Variants in RORA observed in about 807,000 individuals in gnomAD.
RORA encodes the protein nuclear receptor ROR-alpha.
A neutral mutation model predicts 69.5 loss-of-function variants in RORA; 7 were observed. The observed-to-expected ratio is 0.10, with a 90% confidence interval of 0.06 to 0.19. RORA has a LOEUF of 0.19. RORA is among the 10% of genes least tolerant of loss of function. The pLI, the probability that RORA is intolerant of heterozygous loss-of-function variation, is 1.00. For missense variants in RORA, 457 were observed against 663.0 expected, an observed-to-expected ratio of 0.69 and a Z score of 3.41; for synonymous variants, 261 against 240.8, an observed-to-expected ratio of 1.08 and a Z score of -0.78.
intron 2 of RORA, among the ~76,000 whole-genome samples, chr15:60,610,149 G>A (rs573902092): frequency 3.3e-5 from 5 of 151,638 alleles, no homozygotes; most frequent in African/African-American, 1.2e-4. Flanking sequence ...AAGAGCTCAC[G>A]TGGCAATGTC....
At chr15:61,017,315 A>C (rs1356006310) in intron 1 of RORA, among the ~76,000 whole-genome samples, 1 of 152,222 alleles carries the variant, frequency 6.6e-6, no homozygotes, top group African/African-American at 2.4e-5. Flanking sequence ...GGTGAAAGTG[A>C]TTGTTACATA....
intron 1 of RORA, among the ~76,000 whole-genome samples, chr15:61,153,685 T>G (rs2079417269): frequency 6.6e-6 from 1 of 152,254 alleles, no homozygotes; most frequent in Admixed American, 6.5e-5. Context: ...GTAAATGTTC[T>G]TCCGGCTCTA....
intron 2 of RORA, among the ~76,000 whole-genome samples, chr15:60,644,043 A>G (rs2069992512): frequency 6.6e-6 from 1 of 152,088 alleles, no homozygotes. Context: ...AGCCACTGGG[A>G]TTAAAAAAAA....
chr15:60,593,020 G>A (rs779669253), intron 2 of RORA: 7 of 446,934 alleles, frequency 1.6e-5, no homozygotes, highest in South Asian at 1.1e-4. Flanking sequence ...TTCCTAGAGT[G>A]CCCCAGCTCT....
At chr15:60,581,899 T>G (rs1020109411) in intron 2 of RORA, among the ~76,000 whole-genome samples, 1 of 152,352 alleles carries the variant, frequency 6.6e-6, no homozygotes, top group African/African-American at 2.4e-5. Flanking sequence ...AGAGATACAT[T>G]GTTTCTGCTT....
chr15:60,652,104 G>C (rs1194130287), intron 2 of RORA, among the ~76,000 whole-genome samples: 1 of 150,372 alleles, frequency 6.7e-6, no homozygotes, highest in African/African-American at 2.4e-5. Context: ...CTAGGTAGCA[G>C]ACTGCCTTTT....
intron 1 of RORA, among the ~76,000 whole-genome samples, chr15:60,691,940 T>C (rs118004282): frequency 1.3e-5 from 2 of 152,202 alleles, no homozygotes; most frequent in South Asian, 2.1e-4. Flanking sequence ...GTTAACCATA[T>C]GCTACATACA....
chr15:60,816,595 T>C (rs997057077), intron 1 of RORA, among the ~76,000 whole-genome samples: 1 of 147,224 alleles, frequency 6.8e-6, no homozygotes, highest in African/African-American at 2.5e-5. Context: ...AAACAGTATA[T>C]GTATTTATAT....
intron 1 of RORA, among the ~76,000 whole-genome samples, chr15:60,745,701 A>C (rs1201647503): frequency 6.6e-6 from 1 of 152,216 alleles, no homozygotes. Context: ...CTGCTGAGCC[A>C]TGCCTGTAGA....
intron 1 of RORA, among the ~76,000 whole-genome samples, chr15:60,696,078 T>C (rs2070900018): frequency 6.6e-6 from 1 of 152,230 alleles, no homozygotes; most frequent in African/African-American, 2.4e-5. Flanking sequence ...GTCATCATTT[T>C]ATATAGTTTT....
chr15:60,503,298 G>A (rs2065387899), intron 7 of RORA, among the ~76,000 whole-genome samples: 1 of 152,136 alleles, frequency 6.6e-6, no homozygotes, highest in South Asian at 2.1e-4. Flanking sequence ...GGAAAATTTG[G>A]GAATGTAGGT....
intron 1 of RORA, among the ~76,000 whole-genome samples, chr15:60,702,393 G>GGCTAA (rs1229298747): frequency 2.6e-5 from 4 of 152,060 alleles, no homozygotes; most frequent in Non-Finnish European, 4.4e-5. Flanking sequence ...CACCATGCCT[G>GGCTAA]GCTAATTTTT....
intron 1 of RORA, among the ~76,000 whole-genome samples, chr15:61,139,142 TAA>T (rs61302970): frequency 1.2e-4 from 17 of 136,508 alleles, no homozygotes; most frequent in Non-Finnish European, 1.1e-4. Flanking sequence ...AGACTCCGTC[TAA>T]AAAAAAAAAA....
rs374807415 is a variant in RORA at position 61,098,124 on chromosome 15, TCTCC to T, written c.166+130925_166+130928del. 2.2e-4 allele frequency among the ~76,000 whole-genome samples: 21 copies of T among 96,366 alleles called. No homozygotes were observed. In the East Asian group the frequency reaches 4.3e-3, roughly 20 times the overall value. 63.2% of individuals were successfully genotyped at this position (96,366 alleles called of 152,430 possible). A position where few individuals can be genotyped will look rare whatever the true frequency, so the allele number is the denominator to read the frequency against. On this transcript the variant is annotated intron_variant, in intron 1 of 10. Coordinates refer to ENST00000335670, the MANE Select transcript of RORA (RefSeq NM_134261.3). ...CCTTCCCTCCCTCCCTCCTTCCTTCTCTCCCTCCCTCCCTCCTTCTTTCCCTCCC... is the reference window on the plus strand; with the variant it reads ...CCTTCCCTCCCTCCCTCCTTCCTTCTCTCCCTCCCTCCTTCTTTCCCTCCC...
At chr15:60,972,599 AATTTCTCTAG>A (rs1893750926) in intron 1 of RORA, among the ~76,000 whole-genome samples, 1 of 152,058 alleles carries the variant, frequency 6.6e-6, no homozygotes, top group Non-Finnish European at 1.5e-5. Context: ...TAAAGTCCAA[AATTTCTCTAG>A]TCTTTGGAGA....
At chr15:61,141,378 G>A (rs1368333048) in intron 1 of RORA, among the ~76,000 whole-genome samples, 2 of 152,140 alleles carry the variant, frequency 1.3e-5, no homozygotes, top group Non-Finnish European at 2.9e-5. Context: ...CACATGTTAT[G>A]TAATCTTCTG....
chr15:60,647,487 C>T (rs2070067626), intron 2 of RORA, among the ~76,000 whole-genome samples: 1 of 152,200 alleles, frequency 6.6e-6, no homozygotes, highest in African/African-American at 2.4e-5. Context: ...AGCTTTGTTG[C>T]TAATTGTTTG....
intron 1 of RORA, among the ~76,000 whole-genome samples, chr15:60,961,166 A>G (rs1352681464): frequency 6.6e-6 from 1 of 152,128 alleles, no homozygotes; most frequent in Non-Finnish European, 1.5e-5. Context: ...ACTTCCCCAC[A>G]TAACATTTCT....
At chr15:61,218,175 T>TTGTGTGTGTG (rs72135304) in intron 1 of RORA, among the ~76,000 whole-genome samples, 3,119 of 148,362 alleles carry the variant, frequency 0.021, 55 homozygotes, top group African/African-American at 0.043. Context: ...CATGAAATGT[T>TTGTGTGTGTG]TGTGTGTGTG....
Sources: allele counts gnomAD v4.1 joint callset (sites outside exome capture counted in the v4.1 genomes callset), GRCh38; gene constraint gnomAD v4.1.1; transcripts MANE v1.5; gene names NCBI Gene and HGNC (gene_info 2026-07-23, HGNC 2026-07-21).